Variants in PMS1 observed in about 807,000 individuals in gnomAD.
PMS1 encodes the protein PMS1 homolog 1, mismatch repair system component, also known as PMS1 protein homolog 1.
Under a neutral mutation model 93.1 loss-of-function variants are expected in PMS1, and 79 were observed. The observed-to-expected ratio is 0.85, with a 90% CI of 0.71 to 1.02. The LOEUF (loss-of-function observed/expected upper bound fraction) is 1.02. PMS1 is among the 50% of genes least tolerant of loss of function. PMS1 has a pLI of 0.00. For synonymous variants in PMS1, 335 were observed against 363.4 expected, an observed-to-expected ratio of 0.92 and a Z score of 0.89; for missense variants, 1,064 against 1,085.3, an observed-to-expected ratio of 0.98 and a Z score of 0.28.
At chr2:189,804,774 C>T (rs5743010) in intron 3 of PMS1, among the ~76,000 whole-genome samples, 4,979 of 152,164 alleles carry the variant, frequency 0.033, 99 homozygotes, top group South Asian at 0.063. Context: ...TTCAGCTCTT[C>T]GTATAAAGAT....
intron 5 of PMS1, among the ~76,000 whole-genome samples, chr2:189,818,706 T>G (rs937800392): frequency 1.3e-5 from 2 of 152,226 alleles, no homozygotes; most frequent in African/African-American, 4.8e-5. Flanking sequence ...ATGATCTGAT[T>G]GAACTTTTCA....
At chr2:189,867,370 T>G (rs2106528317) in intron 10 of PMS1, among the ~76,000 whole-genome samples, 1 of 152,326 alleles carries the variant, frequency 6.6e-6, no homozygotes, top group Non-Finnish European at 1.5e-5. Context: ...GATTAATTTA[T>G]TAGTTCCTAG....
intron 2 of PMS1, 76 bp downstream of exon 2, chr2:189,792,017 T>C: frequency 3.9e-6 from 5 of 1,270,920 alleles, no homozygotes; most frequent in Non-Finnish European, 5.7e-6. Context: ...CTTAAACTGT[T>C]ACCTTTATTT....
chr2:189,811,174 G>A (rs569529488), intron 4 of PMS1, among the ~76,000 whole-genome samples: 86 of 151,332 alleles, frequency 5.7e-4, no homozygotes, highest in African/African-American at 1.9e-3. Context: ...ACAGAAGCAC[G>A]GAAGTAGAAT....
chr2:189,809,252 T>C (rs1186649935), intron 4 of PMS1, among the ~76,000 whole-genome samples: 1 of 152,160 alleles, frequency 6.6e-6, no homozygotes, highest in African/African-American at 2.4e-5. Context: ...GCTGCCATTA[T>C]AATAAATGGC....
chr2:189,818,229 A>G (rs1449456226), intron 5 of PMS1, 49 bp downstream of exon 5: 1 of 1,186,742 alleles, frequency 8.4e-7, no homozygotes, highest in African/African-American at 1.5e-5. Context: ...GATATAATAA[A>G]CAATGTATAC....
rs149723996 is a variant in PMS1, at chr2:189,795,906, C to A, written c.270C>A (p.Tyr90Ter). The change falls in exon 3 of 13, where the codon TAC (tyrosine) becomes TAA (stop). Residue 90 changes from tyrosine to a stop codon, truncating the protein, a stop_gained. Transcript: ENST00000441310. LOFTEE classifies it high-confidence loss of function. ...AAGATCTTGAAAATTTGACAACTTA[C>A]GGTTTTCGTGGAGAAGCCTTGGGGT... is the stretch of plus-strand genomic sequence containing the variant. Reference protein sequence around the residue: ...SHEDLENLTTYGFRGEALGSI... With the variant: ...SHEDLENLTT 3 of 1,613,450 alleles carry A rather than the reference C, an allele frequency of 1.9e-6. No individual in the cohort carries two copies. The highest frequency in any genetic ancestry group is 2.2e-5 in the South Asian group (2 of 91,060).
chr2:189,847,519 C>G (rs1347403932), intron 6 of PMS1, among the ~76,000 whole-genome samples: 1 of 151,552 alleles, frequency 6.6e-6, no homozygotes, highest in South Asian at 2.1e-4. Context: ...CTTTTTTATA[C>G]ATACTGTTTT....
chr2:189,797,717 C>A (rs910664398), intron 3 of PMS1, among the ~76,000 whole-genome samples: 2 of 152,290 alleles, frequency 1.3e-5, no homozygotes, highest in African/African-American at 4.8e-5. Context: ...AAATGAGATA[C>A]TGTTGCTGTC....
chr2:189,805,081 T>C (rs564778526), intron 3 of PMS1, among the ~76,000 whole-genome samples: 6 of 152,286 alleles, frequency 3.9e-5, no homozygotes, highest in Non-Finnish European at 7.4e-5. Flanking sequence ...TCTTCACTTA[T>C]GCTTACATGT....
intron 11 of PMS1, among the ~76,000 whole-genome samples, chr2:189,870,691 C>G (rs2057073318): frequency 1.3e-5 from 2 of 152,150 alleles, no homozygotes; most frequent in Non-Finnish European, 2.9e-5. Context: ...TCATTCTAAT[C>G]ATACTGTAAA....
intron 5 of PMS1, among the ~76,000 whole-genome samples, chr2:189,840,024 TG>T (rs2053691415): frequency 6.6e-6 from 1 of 152,232 alleles, no homozygotes; most frequent in Non-Finnish European, 1.5e-5. Flanking sequence ...ACCATAATTT[TG>T]TTTAGAAATG....
At chr2:189,851,362 G>A (rs1012342398) in intron 6 of PMS1, among the ~76,000 whole-genome samples, 2 of 152,078 alleles carry the variant, frequency 1.3e-5, no homozygotes, top group South Asian at 2.1e-4. Flanking sequence ...AGGCTAAACA[G>A]GTTCTCCCTG....
At position 189,864,138 on chromosome 2, in the gene PMS1, G is replaced by C; in HGVS notation, c.2252G>C (p.Arg751Thr). 2 of 1,612,256 alleles carry C rather than the reference G, an allele frequency of 1.2e-6. No homozygotes were observed. Among genetic ancestry groups the C allele is most frequent in the Non-Finnish European group, 1.7e-6 (2 of 1,178,656 alleles). Reference protein sequence around the residue: ...KTEVMLLNPYRVEEALLFKRL... With the variant: ...KTEVMLLNPYTVEEALLFKRL... ...GAGGTAATGTTATTAAATCCATATA[G>C]AGTAGAAGAAGCCCTGCTATTTAAA... The change falls in exon 10 of 13, where the codon AGA (arginine) becomes ACA (threonine). Residue 751 changes from arginine (R) to threonine (T), a missense_variant. By Grantham distance (71) the Arg-to-Thr change is moderately conservative. Transcript: ENST00000441310.
chr2:189,876,358 C>CA (rs2057566749), intron 12 of PMS1, among the ~76,000 whole-genome samples: 1 of 152,128 alleles, frequency 6.6e-6, no homozygotes, highest in Non-Finnish European at 1.5e-5. Flanking sequence ...TAAGAGTTAA[C>CA]ATTTGTATTG....
At chr2:189,860,946 T>C (rs1319568360) in intron 9 of PMS1, among the ~76,000 whole-genome samples, 2 of 151,516 alleles carry the variant, frequency 1.3e-5, no homozygotes, top group Non-Finnish European at 2.9e-5. Flanking sequence ...TTTTTCAGTC[T>C]TTTAGACTAT....
chr2:189,839,016 GTC>G (rs915127050), intron 5 of PMS1, among the ~76,000 whole-genome samples: 1 of 151,760 alleles, frequency 6.6e-6, no homozygotes, highest in Admixed American at 6.6e-5. Flanking sequence ...TTGAGACAGA[GTC>G]TCTCTCTCTG....
chr2:189,817,952 A>T, intron 4 of PMS1, 65 bp from the exon 5 acceptor site: 1 of 1,205,972 alleles, frequency 8.3e-7, no homozygotes, highest in Non-Finnish European at 1.2e-6. Flanking sequence ...CAAATTGTAT[A>T]CGGATTTGAA....
intron 5 of PMS1, among the ~76,000 whole-genome samples, chr2:189,827,015 A>G (rs1196720274): frequency 6.6e-6 from 1 of 152,170 alleles, no homozygotes; most frequent in Non-Finnish European, 1.5e-5. Context: ...CACATATACA[A>G]TTCTAGTCCA....
Sources: allele counts gnomAD v4.1 joint callset (sites outside exome capture counted in the v4.1 genomes callset), GRCh38; gene constraint gnomAD v4.1.1; transcripts MANE v1.5; gene names NCBI Gene and HGNC (gene_info 2026-07-23, HGNC 2026-07-21).